DYSF: variants seen among roughly 807,000 people sequenced by gnomAD.
DYSF encodes the protein dysferlin.
Under a neutral mutation model 274.9 loss-of-function variants are expected in DYSF, and 212 were observed. The ratio of observed to expected loss-of-function variants is 0.77; its 90% CI spans 0.69 to 0.86. DYSF has a LOEUF of 0.86. DYSF is among the 40% of genes least tolerant of loss of function. The probability of loss-of-function intolerance (pLI) is 0.00; values close to 1 mark genes in which losing one functional copy is unlikely to be tolerated. For missense variants in DYSF, 2,666 were observed against 2,783.2 expected, an observed-to-expected ratio of 0.96 and a Z score of 0.95; for synonymous variants, 1,091 against 1,078.7, an observed-to-expected ratio of 1.01 and a Z score of -0.22.
chr2:71,607,987 C>T (rs2093676067), intron 36 of DYSF, among the ~76,000 whole-genome samples: 1 of 151,956 alleles, frequency 6.6e-6, no homozygotes, highest in South Asian at 2.1e-4. Flanking sequence ...GCAGAGGAGG[C>T]TCAGCAAACA....
chr2:71,620,543 G>A lies in DYSF; in HGVS notation c.4465-4G>A, dbSNP rs910026967. 6 of 1,551,618 alleles carry A rather than the reference G, an allele frequency of 3.9e-6. No homozygotes were observed. In the African/African-American group the frequency reaches 8.2e-5, roughly 21 times the overall value. On this transcript the variant is annotated splice_region_variant and splice_polypyrimidine_tract_variant and intron_variant, in intron 40 of 55. Transcript: ENST00000410020. ...TGTTGCTAACCAGCATGTTTCATTT[G>A]TAGCTTGCAGACGGTCTGTCGAGCT... is the stretch of plus-strand genomic sequence containing the variant.
chr2:71,478,290 C>A (rs938270097), intron 1 of DYSF, among the ~76,000 whole-genome samples: 9 of 151,148 alleles, frequency 6.0e-5, no homozygotes, highest in Admixed American at 5.3e-4. Flanking sequence ...CGGCTCACTG[C>A]AAGCCCCGCC....
chr2:71,551,374 CTCTG>C (rs1442379537), intron 18 of DYSF, among the ~76,000 whole-genome samples: 3 of 152,354 alleles, frequency 2.0e-5, no homozygotes, highest in African/African-American at 7.2e-5. Flanking sequence ...GGCCCCGTCT[CTCTG>C]TCTTTGTCTT....
At chr2:71,653,700 A>T (rs1445055656) in intron 42 of DYSF, among the ~76,000 whole-genome samples, 4 of 151,160 alleles carry the variant, frequency 2.6e-5, no homozygotes, top group Non-Finnish European at 5.9e-5. Context: ...TAGGAGATAC[A>T]CCTAATGTTA....
intron 4 of DYSF, among the ~76,000 whole-genome samples, chr2:71,509,030 TTTTTA>T (rs2085796478): frequency 1.3e-5 from 2 of 151,910 alleles, no homozygotes; most frequent in Admixed American, 6.6e-5. Context: ...TTTTTTTGTA[TTTTTA>T]TAGAGATGGG....
At chr2:71,567,811 A>AGCGCTCCCACAGGGG in intron 24 of DYSF, 140 bp from the exon 25 acceptor site, 1 of 1,256,168 alleles carries the variant, frequency 8.0e-7, no homozygotes. Flanking sequence ...AATTCTGGTA[A>AGCGCTCCCACAGGGG]GCGCTCCCAC....
intron 24 of DYSF, among the ~76,000 whole-genome samples, 190 bp downstream of exon 24, chr2:71,564,403 C>A (rs1432989221): frequency 1.3e-5 from 2 of 152,188 alleles, no homozygotes; most frequent in Non-Finnish European, 2.9e-5. Flanking sequence ...CAGGCCCCTG[C>A]ACCTAGTCTA....
At chr2:71,483,778 G>A (rs1297549476) in intron 3 of DYSF, among the ~76,000 whole-genome samples, 1 of 152,138 alleles carries the variant, frequency 6.6e-6, no homozygotes, top group Non-Finnish European at 1.5e-5. Context: ...TTGAAGGCTA[G>A]TGATGGCAGA....
At position 71,570,596 on chromosome 2, in the gene DYSF, C is replaced by A. The variant is rs781636911; in HGVS notation, c.3086-3C>A. 15 of 1,613,434 alleles carry A rather than the reference C, an allele frequency of 9.3e-6. No homozygotes were observed. Among genetic ancestry groups the A allele is most frequent in the Admixed American group, 3.3e-5 (2 of 59,940 alleles). On this transcript the variant is annotated splice_region_variant and splice_polypyrimidine_tract_variant and intron_variant, in intron 28 of 55. Coordinates refer to ENST00000410020, the MANE Select transcript of DYSF (RefSeq NM_001130987.2). Reference sequence around the variant, plus strand: ...AATGAGTGACCGGTTCCCCCTCCCCCAGGCTGGGAGTATAGCATCACCATC... The same window carrying A: ...AATGAGTGACCGGTTCCCCCTCCCCAAGGCTGGGAGTATAGCATCACCATC...
rs886043901 is a variant in DYSF, at chr2:71,561,879, G to A, written c.2344G>A (p.Glu782Lys). 3 of 1,614,140 alleles carry A rather than the reference G, an allele frequency of 1.9e-6. No homozygotes were observed. Among genetic ancestry groups the A allele is most frequent in the Non-Finnish European group, 2.5e-6 (3 of 1,180,018 alleles). ...AALALKLGHS[E>K]LPAALEQAED... ...CCTGGCCCTGAAGCTCGGCCACAGTGAGCTCCCTGCAGCTCTGGAGCAGGC... is the reference window on the plus strand; with the variant it reads ...CCTGGCCCTGAAGCTCGGCCACAGTAAGCTCCCTGCAGCTCTGGAGCAGGC... Residue 782 changes from glutamate (E) to lysine (K), a missense_variant, in exon 23 of 56, where the codon GAG becomes AAG. By Grantham distance (56) the Glu-to-Lys change is moderately conservative. Around this residue, in one of 3 missense-constraint regions of DYSF, gnomAD observed 412 missense variants for 504.0 expected, o/e 0.82. Transcript: ENST00000410020.
chr2:71,512,976 G>A (rs1398841110), intron 5 of DYSF, among the ~76,000 whole-genome samples: 1 of 152,118 alleles, frequency 6.6e-6, no homozygotes, highest in Admixed American at 6.5e-5. Context: ...AGGGTGGGGA[G>A]CAGGGAGGGT....
At chr2:71,521,247 T>C (rs2087239874) in intron 12 of DYSF, among the ~76,000 whole-genome samples, 1 of 152,214 alleles carries the variant, frequency 6.6e-6, no homozygotes, top group Non-Finnish European at 1.5e-5. Context: ...GGCCTAAGAA[T>C]GTATCATGCT....
chr2:71,539,086 A>G, intron 16 of DYSF, 71 bp from the exon 17 acceptor site: 1 of 1,409,704 alleles, frequency 7.1e-7, no homozygotes, highest in Non-Finnish European at 1.0e-6. Context: ...CCGAGGCCGC[A>G]TACTTCCTGG....
At chr2:71,595,857 G>T (rs542245599) in intron 32 of DYSF, among the ~76,000 whole-genome samples, 1 of 152,242 alleles carries the variant, frequency 6.6e-6, no homozygotes, top group South Asian at 2.1e-4. Flanking sequence ...GCAAAACCCA[G>T]CCCCTCACCT....
At chr2:71,605,171 C>CT (rs2093623373) in intron 36 of DYSF, among the ~76,000 whole-genome samples, 1 of 152,210 alleles carries the variant, frequency 6.6e-6, no homozygotes, top group African/African-American at 2.4e-5. Flanking sequence ...TCTTCCCACT[C>CT]TCCTTTCGTG....
intron 12 of DYSF, 26 bp from the exon 13 acceptor site, chr2:71,526,194 G>A (rs771900754): frequency 1.9e-6 from 3 of 1,614,092 alleles, no homozygotes; most frequent in African/African-American, 1.3e-5. Context: ...AGCGCATGAA[G>A]GAATCGTATT....
intron 14 of DYSF, among the ~76,000 whole-genome samples, chr2:71,529,641 A>G (rs2088418301): frequency 6.6e-6 from 1 of 152,260 alleles, no homozygotes; most frequent in Non-Finnish European, 1.5e-5. Context: ...TCCCTTATAA[A>G]TCTTCCCACT....
chr2:71,461,938 A>G (rs1357447439), upstream of DYSF, among the ~76,000 whole-genome samples: 1 of 152,222 alleles, frequency 6.6e-6, no homozygotes, highest in African/African-American at 2.4e-5. Context: ...TCTTAAGGGG[A>G]TCAGCTCACT....
intron 41 of DYSF, among the ~76,000 whole-genome samples, chr2:71,636,691 G>T (rs1158894898): frequency 1.3e-5 from 2 of 152,176 alleles, no homozygotes; most frequent in African/African-American, 4.8e-5. Context: ...AGAGCTCAAG[G>T]TGGGACTCAT....
Sources: allele counts gnomAD v4.1 joint callset (sites outside exome capture counted in the v4.1 genomes callset), GRCh38; gene constraint gnomAD v4.1.1; regional missense constraint gnomAD v4.1.1; transcripts MANE v1.5; gene names NCBI Gene and HGNC (gene_info 2026-07-23, HGNC 2026-07-21).